NOL10: variants seen among roughly 807,000 people sequenced by gnomAD.
NOL10 encodes H_NH0074G24.1.
Under a neutral mutation model 103.5 loss-of-function variants are expected in NOL10, and 58 were observed. The observed-to-expected ratio is 0.56, with a 90% CI of 0.45 to 0.70. NOL10 has a LOEUF of 0.70. Among genes scored for constraint, NOL10 ranks in the 30% least tolerant of loss-of-function variants. The pLI is 0.00. For missense variants in NOL10, 763 were observed against 807.3 expected (o/e 0.95, Z 0.67); for synonymous variants, 287 against 282.5 (o/e 1.02, Z -0.16).
intron 4 of NOL10, among the ~76,000 whole-genome samples, chr2:10,675,151 T>C (rs1387197313): frequency 1.3e-5 from 2 of 151,560 alleles, no homozygotes; most frequent in Non-Finnish European, 2.9e-5. Flanking sequence ...TACAGTAAAC[T>C]ATGATCATGC....
At chr2:10,625,058 A>C (rs1677374657) in intron 13 of NOL10, among the ~76,000 whole-genome samples, 1 of 152,246 alleles carries the variant, frequency 6.6e-6, no homozygotes, top group Admixed American at 6.5e-5. Flanking sequence ...GCTATATGAC[A>C]TTTTGGAAAA....
At chr2:10,602,717 C>A in intron 16 of NOL10, 59 bp downstream of exon 16, 3 of 1,055,554 alleles carry the variant, frequency 2.8e-6, no homozygotes, top group Non-Finnish European at 2.8e-6. Context: ...TGGAATAATA[C>A]ACAAAATGGA....
intron 20 of NOL10, among the ~76,000 whole-genome samples, chr2:10,573,882 CA>C (rs1189538279): frequency 2.0e-5 from 3 of 152,192 alleles, no homozygotes. Context: ...TAAGCATGGC[CA>C]CCACGGAGCT....
chr2:10,655,289 AAAAGG>A (rs1014926629), intron 11 of NOL10, among the ~76,000 whole-genome samples: 17 of 152,086 alleles, frequency 1.1e-4, no homozygotes, highest in East Asian at 3.9e-4. Flanking sequence ...GAAGAAAAGA[AAAAGG>A]AAAGGAAAGG....
intron 7 of NOL10, 59 bp from the exon 8 acceptor site, chr2:10,667,337 G>T: frequency 8.3e-7 from 1 of 1,199,782 alleles, no homozygotes; most frequent in Non-Finnish European, 1.2e-6. Flanking sequence ...TAGTGGGGAA[G>T]GAATATTAAA....
intron 13 of NOL10, among the ~76,000 whole-genome samples, chr2:10,608,156 T>C (rs961791234): frequency 6.6e-6 from 1 of 152,166 alleles, no homozygotes; most frequent in Non-Finnish European, 1.5e-5. Flanking sequence ...AACAAATACA[T>C]GTAATTTTTA....
At chr2:10,655,204 C>T (rs1017146) in intron 11 of NOL10, among the ~76,000 whole-genome samples, 145,394 of 146,756 alleles carry the variant, frequency 0.99, 72,018 homozygotes, top group Middle Eastern at 1. Flanking sequence ...TGAGATTCTG[C>T]CCAAAAAAAA....
intron 4 of NOL10, among the ~76,000 whole-genome samples, chr2:10,675,291 T>C (rs1406507821): frequency 6.6e-6 from 1 of 152,074 alleles, no homozygotes; most frequent in East Asian, 1.9e-4. Flanking sequence ...GAGGTGAGTG[T>C]GTGATGAGAA....
intron 13 of NOL10, among the ~76,000 whole-genome samples, chr2:10,639,189 G>A (rs981866614): frequency 5.3e-5 from 8 of 151,970 alleles, no homozygotes; most frequent in East Asian, 2.0e-4. Flanking sequence ...TTGGGAGGCC[G>A]AGGCAGGCGG....
At chr2:10,636,157 G>T (rs1678196260) in intron 13 of NOL10, among the ~76,000 whole-genome samples, 1 of 152,076 alleles carries the variant, frequency 6.6e-6, no homozygotes, top group Non-Finnish European at 1.5e-5. Flanking sequence ...CAAAGTGCTG[G>T]GATTACAGGC....
chr2:10,596,527 G>C (rs953141264), intron 17 of NOL10, among the ~76,000 whole-genome samples: 12 of 152,108 alleles, frequency 7.9e-5, no homozygotes, highest in Non-Finnish European at 1.5e-4. Context: ...GTTCACAATA[G>C]GGTTCATGCT....
chr2:10,646,683 C>T (rs374322472), intron 12 of NOL10, among the ~76,000 whole-genome samples: 10 of 152,284 alleles, frequency 6.6e-5, no homozygotes, highest in Admixed American at 3.3e-4. Flanking sequence ...ATGAGCATCG[C>T]GCCAGGCAAG....
chr2:10,634,401 G>A, intron 13 of NOL10: 2 of 438,860 alleles, frequency 4.6e-6, no homozygotes, highest in Non-Finnish European at 9.2e-6. Flanking sequence ...CAACAACAAG[G>A]CTTCAGCTGA....
intron 14 of NOL10, among the ~76,000 whole-genome samples, chr2:10,603,454 C>T (rs918350147): frequency 6.6e-6 from 1 of 152,104 alleles, no homozygotes; most frequent in African/African-American, 2.4e-5. Flanking sequence ...TTTATTTCCA[C>T]AAACAAGTTC....
intron 14 of NOL10, 70 bp from the exon 15 acceptor site, chr2:10,603,227 G>T: frequency 8.7e-7 from 1 of 1,151,106 alleles, no homozygotes; most frequent in Non-Finnish European, 1.3e-6. Context: ...GTTTTTCTTG[G>T]GCAACAATTT....
chr2:10,667,204 C>G lies in NOL10; in HGVS notation c.591+14G>C. ...AAACAAATATTCTAAAAAATAAAGT[C>G]AACATATGCTTACCTCTATGGTTCC... On this transcript the variant is annotated intron_variant, in intron 8 of 20. Coordinates refer to ENST00000381685, the MANE Select transcript of NOL10 (RefSeq NM_024894.4). 1.9e-6 allele frequency: 3 copies of G among 1,552,804 alleles called. No individual in the cohort carries two copies. The highest frequency in any genetic ancestry group is 8.8e-7 in the Non-Finnish European group (1 of 1,142,454).
intron 20 of NOL10, among the ~76,000 whole-genome samples, chr2:10,576,271 G>T (rs1674446539): frequency 6.6e-6 from 1 of 152,190 alleles, no homozygotes; most frequent in Admixed American, 6.5e-5. Flanking sequence ...TGCTTGGTGG[G>T]AATGTAAAAT....
intron 3 of NOL10, among the ~76,000 whole-genome samples, chr2:10,680,102 C>T (rs1199435866): frequency 6.6e-6 from 1 of 151,936 alleles, no homozygotes; most frequent in Non-Finnish European, 1.5e-5. Flanking sequence ...TGGTGAAACC[C>T]TGTCTCTACT....
intron 9 of NOL10, among the ~76,000 whole-genome samples, chr2:10,659,647 C>T (rs576944080): frequency 8.1e-4 from 123 of 152,178 alleles, no homozygotes; most frequent in Middle Eastern, 3.4e-3. Flanking sequence ...CATTCCACTG[C>T]GCTGCAGTGG....
Sources: allele counts gnomAD v4.1 joint callset (sites outside exome capture counted in the v4.1 genomes callset), GRCh38; gene constraint gnomAD v4.1.1; transcripts MANE v1.5; gene names NCBI Gene and HGNC (gene_info 2026-07-23, HGNC 2026-07-21).